GAB2: variants seen among roughly 807,000 people sequenced by gnomAD.
GAB2 encodes GRB2 associated binding protein 2.
GAB2 carries 26 observed loss-of-function variants against 65.5 expected under a neutral mutation model. The observed-to-expected ratio is 0.40, with a 90% confidence interval of 0.29 to 0.55. The LOEUF (loss-of-function observed/expected upper bound fraction) is 0.55. GAB2 is among the 20% of genes least tolerant of loss of function. The probability of loss-of-function intolerance (pLI) is 0.53; values close to 1 mark genes in which losing one functional copy is unlikely to be tolerated. For synonymous variants in GAB2, 321 were observed against 329.6 expected (o/e 0.97, Z 0.28); for missense variants, 884 against 875.8 (o/e 1.01, Z -0.12).
At chr11:78,293,516 G>C (rs1295351859) in intron 1 of GAB2, among the ~76,000 whole-genome samples, 1 of 152,150 alleles carries the variant, frequency 6.6e-6, no homozygotes, top group Non-Finnish European at 1.5e-5. Flanking sequence ...ATGGTACACA[G>C]ACACCATAAA....
chr11:78,259,237 T>C (rs1422933858), intron 2 of GAB2, among the ~76,000 whole-genome samples: 2 of 152,212 alleles, frequency 1.3e-5, no homozygotes, highest in Non-Finnish European at 2.9e-5. Flanking sequence ...CAGGGTTCTT[T>C]TGAGGATTTG....
In GAB2 at chr11:78,221,864, C is replaced by T. The variant is rs534511679; in HGVS notation, c.1659-85G>A. The stretch of plus-strand genomic sequence containing the variant: ...GCCTCCAGCTGGGCCCTGACCCTCA[C>T]ACACCCAGACCTCAGCCATTAGAGC... On this transcript the variant is annotated intron_variant, in intron 7 of 9. Transcript: ENST00000361507. 41 of 869,220 alleles carry T rather than the reference C, an allele frequency of 4.7e-5. 1 individual carries two copies. The Admixed American group carries it at 5.8e-4, about 12-fold the overall frequency. The allele number at this position is 869,220 out of a possible 1,614,324, so 53.8% of individuals were successfully genotyped here. A position where few individuals can be genotyped will look rare whatever the true frequency, so the allele number is the denominator to read the frequency against.
At chr11:78,390,161 A>G (rs1239339410) in intron 1 of GAB2, among the ~76,000 whole-genome samples, 1 of 152,244 alleles carries the variant, frequency 6.6e-6, no homozygotes, top group Non-Finnish European at 1.5e-5. Flanking sequence ...AGTTCATGAA[A>G]ATAAGGAGAT....
chr11:78,366,782 T>G (rs1049986534), intron 1 of GAB2, among the ~76,000 whole-genome samples: 1 of 149,010 alleles, frequency 6.7e-6, no homozygotes. Context: ...GCGAATAGAA[T>G]GTAATTGGGG....
chr11:78,382,782 G>A (rs1385175208), intron 1 of GAB2, among the ~76,000 whole-genome samples: 9 of 152,172 alleles, frequency 5.9e-5, no homozygotes, highest in Admixed American at 5.9e-4. Flanking sequence ...TAAAGTCCCT[G>A]TAGATTTGAG....
At chr11:78,355,971 A>C (rs10793305) in intron 1 of GAB2, among the ~76,000 whole-genome samples, 24,538 of 151,724 alleles carry the variant, frequency 0.16, 2,592 homozygotes, top group East Asian at 0.41. Flanking sequence ...TCAGGAGTTC[A>C]AGACCAGACT....
At chr11:78,394,573 T>C (rs1290995978) in intron 1 of GAB2, among the ~76,000 whole-genome samples, 2 of 152,176 alleles carry the variant, frequency 1.3e-5, no homozygotes, top group African/African-American at 4.8e-5. Context: ...TGTAATGTCT[T>C]GTGAATATCT....
intron 1 of GAB2, among the ~76,000 whole-genome samples, chr11:78,394,875 C>T (rs1370782779): frequency 1.3e-5 from 2 of 152,188 alleles, no homozygotes; most frequent in East Asian, 1.9e-4. Context: ...GTCTGGAGAT[C>T]ATGCGGTGAG....
intron 1 of GAB2, among the ~76,000 whole-genome samples, chr11:78,401,638 A>G (rs1856974813): frequency 6.6e-6 from 1 of 151,844 alleles, no homozygotes; most frequent in Admixed American, 6.6e-5. Context: ...TTAAGGCTGA[A>G]CAGTATTCCA....
chr11:78,398,627 A>G (rs1384648651), intron 1 of GAB2, among the ~76,000 whole-genome samples: 3 of 152,266 alleles, frequency 2.0e-5, no homozygotes, highest in Non-Finnish European at 2.9e-5. Context: ...AAAATTCACA[A>G]TGTTATAATA....
At chr11:78,231,330 G>T (rs544550340) in intron 3 of GAB2, among the ~76,000 whole-genome samples, 1 of 103,180 alleles carries the variant, frequency 9.7e-6, no homozygotes, top group Non-Finnish European at 1.9e-5. Flanking sequence ...GCGCGCGCGC[G>T]TGTGTGGTGT....
At position 78,227,193 on chromosome 11, in the gene GAB2, G is replaced by A. The variant is rs114333448; in HGVS notation, c.621-142C>T. 891 of 639,346 alleles carry A rather than the reference G, an allele frequency of 1.4e-3. 4 individuals carry two copies. The African/African-American group carries it at 0.015, about 11-fold the overall frequency. 39.6% of individuals were successfully genotyped at this position (639,346 alleles called of 1,614,324 possible). A position where few individuals can be genotyped will look rare whatever the true frequency, so the allele number is the denominator to read the frequency against. ...AAAAGCATATTTTGAAGGTTGTTCAGACTCTAGTATATGAATGTTTAAACA... is the reference window on the plus strand; with the variant it reads ...AAAAGCATATTTTGAAGGTTGTTCAAACTCTAGTATATGAATGTTTAAACA... On this transcript the variant is annotated intron_variant, in intron 3 of 9. Coordinates refer to ENST00000361507, the MANE Select transcript of GAB2 (RefSeq NM_080491.3).
chr11:78,326,603 AAG>A (rs1223734349), intron 1 of GAB2, among the ~76,000 whole-genome samples: 1 of 152,202 alleles, frequency 6.6e-6, no homozygotes, highest in African/African-American at 2.4e-5. Context: ...TTTCCAAAAA[AAG>A]AGTCACGTTG....
chr11:78,268,283 A>C (rs1318160604), intron 2 of GAB2, among the ~76,000 whole-genome samples: 3 of 152,202 alleles, frequency 2.0e-5, no homozygotes, highest in African/African-American at 7.2e-5. Flanking sequence ...ACAAAGCTGA[A>C]ATTTAAAACC....
chr11:78,382,383 A>T (rs11237474), intron 1 of GAB2, among the ~76,000 whole-genome samples: 7,772 of 142,778 alleles, frequency 0.054, 683 homozygotes, highest in African/African-American at 0.19. Flanking sequence ...TTTTATTATT[A>T]TTTTTTTTTT....
chr11:78,309,589 A>G (rs1591024780), intron 1 of GAB2, among the ~76,000 whole-genome samples: 2 of 151,580 alleles, frequency 1.3e-5, no homozygotes, highest in East Asian at 3.9e-4. Flanking sequence ...CTCCCACCTC[A>G]GCCCCCTGAG....
At chr11:78,285,770 T>C (rs1291691542) in intron 1 of GAB2, among the ~76,000 whole-genome samples, 1 of 152,190 alleles carries the variant, frequency 6.6e-6, no homozygotes, top group African/African-American at 2.4e-5. Context: ...TGGGGCCCCA[T>C]GTGTTTTTAA....
At chr11:78,221,311 T>C (rs892825992) in intron 8 of GAB2, among the ~76,000 whole-genome samples, 1 of 152,172 alleles carries the variant, frequency 6.6e-6, no homozygotes, top group African/African-American at 2.4e-5. Context: ...CTCACCAAAG[T>C]GAGTTATGTG....
intron 1 of GAB2, among the ~76,000 whole-genome samples, chr11:78,353,850 A>G (rs983162497): frequency 1.3e-5 from 2 of 152,258 alleles, no homozygotes; most frequent in African/African-American, 4.8e-5. Context: ...GGTATTTTAT[A>G]TTATCAGATA....
Sources: gnomAD v4.1 joint callset for allele counts (sites outside exome capture counted in the v4.1 genomes callset) on GRCh38, gnomAD v4.1.1 for gene constraint, MANE v1.5 for transcripts, NCBI Gene and HGNC (gene_info 2026-07-23, HGNC 2026-07-21) for gene names.